The following NPAS3 variants were observed in gnomAD, a reference collection of about 807,000 sequenced individuals.
NPAS3 encodes neuronal PAS domain protein 3.
In NPAS3, 14 loss-of-function variants were observed where a neutral mutation model predicts 73.1. The ratio of observed to expected loss-of-function variants is 0.19; its 90% CI spans 0.13 to 0.30. The LOEUF (loss-of-function observed/expected upper bound fraction) is 0.30. NPAS3 is among the 10% of genes least tolerant of loss of function. The pLI is 1.00. For synonymous variants in NPAS3, 620 were observed against 541.5 expected (o/e 1.14, Z -2.01); for missense variants, 1,096 against 1,250.0 (o/e 0.88, Z 1.86).
intron 5 of NPAS3, among the ~76,000 whole-genome samples, chr14:33,575,116 C>A (rs948572867): frequency 3.9e-5 from 6 of 152,072 alleles, no homozygotes; most frequent in Non-Finnish European, 7.4e-5. Context: ...AGACAAAAAT[C>A]CTAGGAAATT....
intron 4 of NPAS3, among the ~76,000 whole-genome samples, chr14:33,398,466 TC>T (rs1213832759): frequency 6.6e-6 from 1 of 151,886 alleles, no homozygotes; most frequent in African/African-American, 2.4e-5. Context: ...ACTAATTACT[TC>T]CCCAAATCTC....
chr14:33,756,604 ATTTAC>A (rs2062123263), intron 7 of NPAS3, among the ~76,000 whole-genome samples: 1 of 152,208 alleles, frequency 6.6e-6, no homozygotes, highest in South Asian at 2.1e-4. Flanking sequence ...CCAGCTCCTT[ATTTAC>A]AGAAAGGAGA....
chr14:33,281,281 T>C (rs181274659), intron 3 of NPAS3, among the ~76,000 whole-genome samples: 33 of 152,346 alleles, frequency 2.2e-4, no homozygotes, highest in African/African-American at 7.9e-4. Context: ...GGAAATTTAT[T>C]GACTATCATC....
chr14:33,604,674 A>C (rs1207556773), intron 5 of NPAS3, among the ~76,000 whole-genome samples: 3 of 152,104 alleles, frequency 2.0e-5, no homozygotes, highest in Non-Finnish European at 4.4e-5. Flanking sequence ...GTGCACATAA[A>C]ACATTTACCA....
At chr14:33,019,497 G>C (rs2039515035) in intron 1 of NPAS3, among the ~76,000 whole-genome samples, 1 of 151,880 alleles carries the variant, frequency 6.6e-6, no homozygotes, top group African/African-American at 2.4e-5. Context: ...AAAAAACCGG[G>C]GATGGTTTCC....
chr14:33,435,060 C>A (rs986315058), intron 4 of NPAS3, among the ~76,000 whole-genome samples: 6 of 152,198 alleles, frequency 3.9e-5, no homozygotes, highest in African/African-American at 1.4e-4. Context: ...TGATCTTAGT[C>A]TCTCAGACTT....
chr14:33,636,198 G>A (rs1163030047), intron 5 of NPAS3, among the ~76,000 whole-genome samples: 1 of 152,218 alleles, frequency 6.6e-6, no homozygotes, highest in Non-Finnish European at 1.5e-5. Context: ...GGGATTACAG[G>A]CGTGAGCCAC....
intron 5 of NPAS3, among the ~76,000 whole-genome samples, chr14:33,642,276 AT>A (rs1338278965): frequency 1.3e-5 from 2 of 152,060 alleles, no homozygotes; most frequent in Non-Finnish European, 2.9e-5. Flanking sequence ...ATTCCCCACC[AT>A]CCCCCAGATT....
chr14:33,115,021 C>T (rs1473031825), intron 2 of NPAS3, among the ~76,000 whole-genome samples: 1 of 152,092 alleles, frequency 6.6e-6, no homozygotes, highest in East Asian at 1.9e-4. Flanking sequence ...GAAAAAGATT[C>T]CTATTCTAAG....
intron 5 of NPAS3, among the ~76,000 whole-genome samples, chr14:33,634,786 G>A (rs1429110230): frequency 2.6e-5 from 4 of 152,176 alleles, no homozygotes; most frequent in African/African-American, 2.4e-5. Context: ...GAATGTCCAC[G>A]GCTGTGAATC....
At chr14:33,736,431 T>C (rs908045900) in intron 7 of NPAS3, among the ~76,000 whole-genome samples, 7 of 152,154 alleles carry the variant, frequency 4.6e-5, no homozygotes, top group Non-Finnish European at 7.4e-5. Context: ...CCTTAACCTT[T>C]AGCAGGTGCG....
chr14:33,566,080 T>C (rs1378688367), intron 5 of NPAS3, among the ~76,000 whole-genome samples: 1 of 151,906 alleles, frequency 6.6e-6, no homozygotes, highest in Non-Finnish European at 1.5e-5. Context: ...ATTGAGAAAA[T>C]ATAAGTATCA....
chr14:33,714,130 T>A (rs1283888663), intron 6 of NPAS3, among the ~76,000 whole-genome samples: 2 of 151,932 alleles, frequency 1.3e-5, no homozygotes, highest in African/African-American at 4.8e-5. Context: ...AAACTTAAAG[T>A]ATAATAATAA....
intron 6 of NPAS3, among the ~76,000 whole-genome samples, chr14:33,690,883 A>C (rs1238153531): frequency 1.3e-5 from 2 of 152,060 alleles, no homozygotes; most frequent in Non-Finnish European, 1.5e-5. Flanking sequence ...AAAAAAAAAA[A>C]AAAAACGATT....
chr14:33,484,306 T>C (rs1467525687), intron 4 of NPAS3, among the ~76,000 whole-genome samples: 1 of 152,128 alleles, frequency 6.6e-6, no homozygotes, highest in Non-Finnish European at 1.5e-5. Flanking sequence ...CCCTTGTCTT[T>C]CTAGCCCCGG....
intron 5 of NPAS3, among the ~76,000 whole-genome samples, chr14:33,631,601 G>C (rs751442432): frequency 4.6e-5 from 7 of 152,174 alleles, no homozygotes; most frequent in Non-Finnish European, 8.8e-5. Context: ...CAACCAGCTC[G>C]AAGTGGGAGC....
intron 2 of NPAS3, among the ~76,000 whole-genome samples, chr14:33,196,068 G>C (rs1264510752): frequency 1.3e-5 from 2 of 152,200 alleles, no homozygotes; most frequent in Non-Finnish European, 2.9e-5. Context: ...TAAATGTCTT[G>C]AAGTCACACA....
At position 33,800,428 on chromosome 14, in the gene NPAS3, G is replaced by C; in HGVS notation, c.2121G>C (p.Leu707=). The change falls in exon 12 of 12, where the codon CTG becomes CTC. Residue 707 remains leucine, a synonymous_variant. Transcript: ENST00000356141. The surrounding 1 kb of genome is among the most constrained non-coding windows in gnomAD (Gnocchi z 6.5). ...GTGGGGGTGGCGGTGGCGGGGGGCT[G>C]CACGTGGCCATTCCCGACTCGGTCC... 6.3e-7 allele frequency: 1 copy of C among 1,588,296 alleles called. No individual in the cohort carries two copies.
chr14:33,454,570 C>G (rs1463181864), intron 4 of NPAS3, among the ~76,000 whole-genome samples: 1 of 152,150 alleles, frequency 6.6e-6, no homozygotes, highest in African/African-American at 2.4e-5. Flanking sequence ...TATCTTATCC[C>G]AGACCTTTTT....
Sources: allele counts gnomAD v4.1 joint callset (sites outside exome capture counted in the v4.1 genomes callset), GRCh38; gene constraint gnomAD v4.1.1; non-coding constraint Gnocchi (gnomAD v3.1); transcripts MANE v1.5; gene names NCBI Gene and HGNC (gene_info 2026-07-23, HGNC 2026-07-21).